Variants in ZNF420 observed in about 807,000 individuals in gnomAD.
ZNF420 encodes the protein ATM and p53-associated KZNF protein.
In ZNF420, 31 loss-of-function variants were observed where a neutral mutation model predicts 44.7. That is an observed-to-expected ratio of 0.69 (90% CI 0.52 to 0.94). The LOEUF (loss-of-function observed/expected upper bound fraction) is 0.94. ZNF420 is among the 40% of genes least tolerant of loss of function. ZNF420 has a pLI of 0.00. For synonymous variants in ZNF420, 245 were observed against 267.4 expected (o/e 0.92, Z 0.82); for missense variants, 681 against 827.9 (o/e 0.82, Z 2.18).
chr19:37,081,620 G>T (rs1374008673), intron 2 of ZNF420, among the ~76,000 whole-genome samples: 1 of 150,646 alleles, frequency 6.6e-6, no homozygotes, highest in African/African-American at 2.4e-5. Flanking sequence ...CCACCTCCCA[G>T]GTTCAAGTGA....
intron 4 of ZNF420, among the ~76,000 whole-genome samples, chr19:37,121,549 C>T (rs1161828330): frequency 6.6e-6 from 1 of 152,106 alleles, no homozygotes; most frequent in Non-Finnish European, 1.5e-5. Context: ...CAATACCATT[C>T]AGGACATAGG....
At chr19:37,069,846 GT>G (rs1372243324) in intron 1 of ZNF420, among the ~76,000 whole-genome samples, 1 of 151,986 alleles carries the variant, frequency 6.6e-6, no homozygotes, top group Non-Finnish European at 1.5e-5. Context: ...TATTAGAAGT[GT>G]AAAAATTGAT....
At chr19:37,105,643 G>A (rs189594398) in intron 4 of ZNF420, among the ~76,000 whole-genome samples, 9 of 152,136 alleles carry the variant, frequency 5.9e-5, no homozygotes, top group Admixed American at 1.3e-4. Flanking sequence ...GCCATTTTAC[G>A]ATATTGATTC....
At chr19:37,078,279 G>C (rs1968219353), upstream of ZNF420, 1 of 152,244 alleles carries the variant, frequency 6.6e-6, no homozygotes, top group Non-Finnish European at 1.5e-5. Flanking sequence ...GAGCCCACGA[G>C]CCCCTCGAGG....
At chr19:37,043,912 G>T (rs750921496) in intron 1 of ZNF420, among the ~76,000 whole-genome samples, 17 of 152,306 alleles carry the variant, frequency 1.1e-4, no homozygotes, top group Admixed American at 3.3e-4. Flanking sequence ...GCTAGAAAGT[G>T]TCATCAATTT....
chr19:37,038,417 T>C (rs1466962976), intron 1 of ZNF420, among the ~76,000 whole-genome samples: 1 of 152,184 alleles, frequency 6.6e-6, no homozygotes, highest in East Asian at 1.9e-4. Flanking sequence ...TGACTCTTCC[T>C]TTCACCAAAG....
At chr19:37,051,224 G>T (rs1967633625) in intron 1 of ZNF420, among the ~76,000 whole-genome samples, 1 of 152,186 alleles carries the variant, frequency 6.6e-6, no homozygotes, top group African/African-American at 2.4e-5. Context: ...TCAGGATGAT[G>T]CTGGCCTCAT....
At position 37,070,786 on chromosome 19, in the gene ZNF420, C is replaced by G. The variant is rs139673815; in HGVS notation, c.-124-9559C>G. Reference sequence around the variant, plus strand: ...AGTAAAGAGTATACATTGGAAAATCCCCTTTGGAAAATATTGCATATTGCC... The same window carrying G: ...AGTAAAGAGTATACATTGGAAAATCGCCTTTGGAAAATATTGCATATTGCC... On this transcript the variant is annotated intron_variant, in intron 1 of 4. Transcript: ENST00000587029. 5.9e-5 allele frequency among the ~76,000 whole-genome samples: 9 copies of G among 152,154 alleles called. No individual in the cohort carries two copies. The East Asian group carries it at 1.7e-3, about 29-fold the overall frequency.
At chr19:37,050,665 G>T (rs1018887489) in intron 1 of ZNF420, among the ~76,000 whole-genome samples, 2 of 152,180 alleles carry the variant, frequency 1.3e-5, no homozygotes, top group African/African-American at 4.8e-5. Flanking sequence ...TGCAAACAGG[G>T]ACAATTTGAT....
intron 1 of ZNF420, among the ~76,000 whole-genome samples, chr19:37,022,933 C>T (rs1037960086): frequency 7.2e-5 from 11 of 151,986 alleles, no homozygotes; most frequent in African/African-American, 2.2e-4. Flanking sequence ...GTCAGGCGTT[C>T]GAGACAAGCC....
intron 4 of ZNF420, among the ~76,000 whole-genome samples, chr19:37,121,718 C>T (rs1971049748): frequency 6.6e-6 from 1 of 152,148 alleles, no homozygotes; most frequent in Non-Finnish European, 1.5e-5. Context: ...ATTTTCGCAA[C>T]CTACTCCTCT....
intron 1 of ZNF420, among the ~76,000 whole-genome samples, chr19:37,024,370 C>T (rs1385731268): frequency 6.6e-6 from 1 of 152,106 alleles, no homozygotes; most frequent in Non-Finnish European, 1.5e-5. Context: ...GGTCACAGGG[C>T]ATCCTTAACC....
At chr19:37,093,212 T>C (rs2146550994) in intron 4 of ZNF420, 1 of 151,906 alleles carries the variant, frequency 6.6e-6, no homozygotes, top group East Asian at 2.0e-4. Flanking sequence ...AACAACCACA[T>C]CTCGCGTGAA....
intron 1 of ZNF420, among the ~76,000 whole-genome samples, chr19:37,065,244 G>T (rs4117556): frequency 0.5 from 76,078 of 151,746 alleles, 19,682 homozygotes; most frequent in African/African-American, 0.58. Flanking sequence ...CCTGGGCTTA[G>T]ATTATGGTGC....
intron 1 of ZNF420, among the ~76,000 whole-genome samples, chr19:37,015,312 G>C (rs1488265491): frequency 6.6e-6 from 1 of 152,180 alleles, no homozygotes; most frequent in Admixed American, 6.5e-5. Context: ...TCGGAGAAGT[G>C]GGGGGCTGGC....
chr19:37,027,717 A>G (rs1335069967), intron 1 of ZNF420, among the ~76,000 whole-genome samples: 1 of 152,214 alleles, frequency 6.6e-6, no homozygotes, highest in Non-Finnish European at 1.5e-5. Flanking sequence ...ACTTAGAAAT[A>G]CATGTTTAAG....
intron 4 of ZNF420, among the ~76,000 whole-genome samples, chr19:37,108,663 G>C (rs1356888518): frequency 6.6e-6 from 1 of 152,124 alleles, no homozygotes; most frequent in Non-Finnish European, 1.5e-5. Context: ...CCAGAAACAG[G>C]ACTTATTATT....
intron 2 of ZNF420, 60 bp from the exon 3 acceptor site, chr19:37,088,979 C>T: frequency 2.6e-6 from 2 of 763,234 alleles, no homozygotes. Context: ...ATAATTCCAA[C>T]TGAATCATTT....
intron 1 of ZNF420, among the ~76,000 whole-genome samples, chr19:37,047,577 G>A (rs186915061): frequency 1.4e-4 from 21 of 152,268 alleles, no homozygotes; most frequent in Admixed American, 2.6e-4. Flanking sequence ...ATAGTGCCTC[G>A]TCATTTTCTT....
Sources: gnomAD v4.1 joint callset for allele counts (sites outside exome capture counted in the v4.1 genomes callset) on GRCh38, gnomAD v4.1.1 for gene constraint, MANE v1.5 for transcripts, NCBI Gene and HGNC (gene_info 2026-07-23, HGNC 2026-07-21) for gene names.